Variants in SUSD4 observed in about 807,000 individuals in gnomAD.
The protein encoded by SUSD4 is sushi domain containing 4.
SUSD4 carries 41 observed loss-of-function variants against 50.5 expected under a neutral mutation model. The ratio of observed to expected loss-of-function variants is 0.81; its 90% CI spans 0.63 to 1.05. SUSD4 has a LOEUF of 1.05. SUSD4 is among the 50% of genes least tolerant of loss of function. The pLI is 0.00. For synonymous variants in SUSD4, 257 were observed against 257.3 expected (o/e 1.00, Z 0.01); for missense variants, 580 against 634.7 (o/e 0.91, Z 0.93).
At chr1:223,228,392 C>T (rs899310703) in intron 6 of SUSD4, among the ~76,000 whole-genome samples, 3 of 152,168 alleles carry the variant, frequency 2.0e-5, no homozygotes, top group Admixed American at 6.5e-5. Context: ...CATGTGTGCG[C>T]CTCCAGAGAC....
At chr1:223,341,277 G>A (rs1377383677) in intron 2 of SUSD4, among the ~76,000 whole-genome samples, 2 of 152,206 alleles carry the variant, frequency 1.3e-5, no homozygotes, top group Non-Finnish European at 2.9e-5. Flanking sequence ...GCAGTCCACA[G>A]GCACTGCTGC....
chr1:223,225,435 A>G (rs1659453544), intron 7 of SUSD4, among the ~76,000 whole-genome samples: 2 of 152,064 alleles, frequency 1.3e-5, no homozygotes, highest in South Asian at 4.2e-4. Context: ...CTTGTCCCGC[A>G]GCTCTTAAAG....
At chr1:223,309,010 T>C (rs1572029291) in intron 2 of SUSD4, among the ~76,000 whole-genome samples, 1 of 152,236 alleles carries the variant, frequency 6.6e-6, no homozygotes, top group Admixed American at 6.5e-5. Flanking sequence ...AAAAGACTTG[T>C]ATAGAGTATG....
At chr1:223,325,929 A>C (rs1347821157) in intron 2 of SUSD4, among the ~76,000 whole-genome samples, 1 of 152,258 alleles carries the variant, frequency 6.6e-6, no homozygotes, top group Non-Finnish European at 1.5e-5. Context: ...CAATACTGTG[A>C]AAATGACTAC....
intron 2 of SUSD4, among the ~76,000 whole-genome samples, chr1:223,328,723 T>C (rs1228294631): frequency 1.3e-5 from 2 of 152,196 alleles, no homozygotes; most frequent in African/African-American, 4.8e-5. Context: ...CAGCCAATAC[T>C]ACCAGACCCA....
At chr1:223,344,288 T>C (rs1336636815) in intron 2 of SUSD4, among the ~76,000 whole-genome samples, 1 of 152,056 alleles carries the variant, frequency 6.6e-6, no homozygotes, top group Non-Finnish European at 1.5e-5. Context: ...ATAAGCAAGA[T>C]CTAGGGAGGC....
At chr1:223,237,431 C>G (rs1484543665) in intron 5 of SUSD4, among the ~76,000 whole-genome samples, 1 of 152,006 alleles carries the variant, frequency 6.6e-6, no homozygotes, top group African/African-American at 2.4e-5. Context: ...TGTCCCTGAT[C>G]TTACGGGAAA....
At chr1:223,292,316 G>A in intron 3 of SUSD4, 123 bp downstream of exon 3, 1 of 1,017,926 alleles carries the variant, frequency 9.8e-7, no homozygotes, top group Non-Finnish European at 1.5e-6. Context: ...TGGTCAGCAT[G>A]CAGGTGCAGC....
chr1:223,312,350 C>G lies in SUSD4; in HGVS notation c.149-19699G>C, dbSNP rs1206090566. On this transcript the variant is annotated intron_variant, in intron 2 of 8. Transcript: ENST00000366878. ...AAAAGCTATCTAGGCCTCAACTCTG[C>G]AGGACAGAAAAAAAGTGATCTGTAT... Among the ~76,000 whole-genome samples, 5 of 152,104 alleles carry G rather than the reference C, an allele frequency of 3.3e-5. No individual in the cohort carries two copies. In the South Asian group the frequency reaches 1.0e-3, roughly 32 times the overall value.
At chr1:223,322,631 T>C (rs1227155889) in intron 2 of SUSD4, among the ~76,000 whole-genome samples, 1 of 151,974 alleles carries the variant, frequency 6.6e-6, no homozygotes, top group Non-Finnish European at 1.5e-5. Flanking sequence ...TGTGTGTGTA[T>C]GGTGAGTGTG....
intron 2 of SUSD4, among the ~76,000 whole-genome samples, chr1:223,322,676 A>G (rs1377834682): frequency 6.6e-6 from 1 of 151,992 alleles, no homozygotes; most frequent in Non-Finnish European, 1.5e-5. Flanking sequence ...ACATGTAGGT[A>G]CGTGTGTGTG....
intron 2 of SUSD4, among the ~76,000 whole-genome samples, chr1:223,343,761 G>A (rs1032012627): frequency 6.6e-6 from 1 of 152,148 alleles, no homozygotes; most frequent in Non-Finnish European, 1.5e-5. Flanking sequence ...CTTTTAATAA[G>A]GGAAAAAGCT....
At chr1:223,320,970 T>C (rs1666537488) in intron 2 of SUSD4, among the ~76,000 whole-genome samples, 1 of 152,250 alleles carries the variant, frequency 6.6e-6, no homozygotes, top group Non-Finnish European at 1.5e-5. Context: ...ACTACCCTCA[T>C]TCTAATAGCC....
intron 2 of SUSD4, among the ~76,000 whole-genome samples, chr1:223,311,099 G>A (rs1665846419): frequency 6.6e-6 from 1 of 152,190 alleles, no homozygotes; most frequent in Non-Finnish European, 1.5e-5. Context: ...CAAATAAATG[G>A]TGTTCACACT....
chr1:223,230,460 G>C (rs1659821054), intron 5 of SUSD4: 1 of 151,892 alleles, frequency 6.6e-6, no homozygotes, highest in African/African-American at 2.4e-5. Context: ...AAACACCCTG[G>C]CCAGTGCAGA....
chr1:223,329,429 A>G (rs907854674), intron 2 of SUSD4, among the ~76,000 whole-genome samples: 5 of 152,226 alleles, frequency 3.3e-5, no homozygotes, highest in African/African-American at 9.6e-5. Context: ...CTCTAAGTGC[A>G]AGCCCAATGT....
intron 6 of SUSD4, among the ~76,000 whole-genome samples, chr1:223,228,023 T>G (rs949545136): frequency 2.6e-5 from 4 of 152,190 alleles, no homozygotes; most frequent in African/African-American, 9.7e-5. Flanking sequence ...GCTTAAATAA[T>G]GCATCTGCCT....
At chr1:223,309,062 T>C (rs1558236824) in intron 2 of SUSD4, among the ~76,000 whole-genome samples, 1 of 152,242 alleles carries the variant, frequency 6.6e-6, no homozygotes, top group Non-Finnish European at 1.5e-5. Context: ...ATTATTCTTC[T>C]GATGCAGAAA....
At chr1:223,236,926 T>C (rs1028349150) in intron 5 of SUSD4, among the ~76,000 whole-genome samples, 4 of 152,242 alleles carry the variant, frequency 2.6e-5, no homozygotes, top group Non-Finnish European at 4.4e-5. Context: ...ATTGAATCTA[T>C]AGAGCAAGTT....
Sources: gnomAD v4.1 joint callset for allele counts (sites outside exome capture counted in the v4.1 genomes callset) on GRCh38, gnomAD v4.1.1 for gene constraint, MANE v1.5 for transcripts, NCBI Gene and HGNC (gene_info 2026-07-23, HGNC 2026-07-21) for gene names.